Variants in SCLT1 observed in about 807,000 individuals in gnomAD.
SCLT1 encodes sodium channel-associated protein 1.
Under a neutral mutation model 112.8 loss-of-function variants are expected in SCLT1, and 78 were observed. That is an observed-to-expected ratio of 0.69 (90% confidence interval 0.58 to 0.83). The LOEUF (loss-of-function observed/expected upper bound fraction) is 0.83, where lower values mean the gene tolerates loss of function less well. Ranked by LOEUF, SCLT1 falls within the 40% of genes least tolerant of loss-of-function variation. The pLI is 0.00. For synonymous variants in SCLT1, 257 were observed against 254.7 expected (o/e 1.01, Z -0.09); for missense variants, 747 against 770.4 (o/e 0.97, Z 0.36).
intron 10 of SCLT1, among the ~76,000 whole-genome samples, chr4:128,969,496 C>T (rs898150268): frequency 4.2e-4 from 64 of 151,998 alleles, no homozygotes; most frequent in Non-Finnish European, 1.8e-4. Context: ...GGCATGAACC[C>T]GGGAGGCAGA....
intron 2 of SCLT1, among the ~76,000 whole-genome samples, chr4:129,057,594 A>G (rs1749548306): frequency 6.9e-6 from 1 of 145,266 alleles, no homozygotes. Context: ...TTACAGACTC[A>G]TTCTCATTTC....
At chr4:128,974,786 G>A (rs1740999653) in intron 9 of SCLT1, among the ~76,000 whole-genome samples, 1 of 151,862 alleles carries the variant, frequency 6.6e-6, no homozygotes, top group Admixed American at 6.6e-5. Flanking sequence ...ATATATGTCT[G>A]CCTGTGTATG....
chr4:129,080,109 T>C (rs190341930), intron 2 of SCLT1, among the ~76,000 whole-genome samples: 290 of 152,326 alleles, frequency 1.9e-3, no homozygotes, highest in Admixed American at 3.4e-3. Flanking sequence ...CTCCTATGTC[T>C]CCAGGCCTGT....
intron 4 of SCLT1, chr4:128,874,482 C>CAA (rs950380797): frequency 7.0e-6 from 1 of 143,558 alleles, no homozygotes; most frequent in Non-Finnish European, 1.5e-5. Context: ...CCAAAAAAAA[C>CAA]AAAACAAAAA....
At chr4:129,028,231 C>G (rs1420370372) in intron 5 of SCLT1, among the ~76,000 whole-genome samples, 1 of 152,106 alleles carries the variant, frequency 6.6e-6, no homozygotes, top group African/African-American at 2.4e-5. Context: ...CAATCCTAAG[C>G]CAAAAGAACA....
intron 18 of SCLT1, among the ~76,000 whole-genome samples, chr4:128,921,064 A>T (rs901037773): frequency 6.6e-6 from 1 of 152,216 alleles, no homozygotes; most frequent in Non-Finnish European, 1.5e-5. Context: ...CAAAAGCCAC[A>T]AAAAGAATAA....
chr4:128,906,765 TACATACTACTG>T (rs1175629380), intron 18 of SCLT1, among the ~76,000 whole-genome samples: 1 of 69,504 alleles, frequency 1.4e-5, no homozygotes, highest in African/African-American at 7.5e-5. Context: ...TGTTACATGC[TACATACTACTG>T]TGCTAGGTGC....
intron 1 of SCLT1, among the ~76,000 whole-genome samples, chr4:129,092,293 C>T (rs1030278653): frequency 3.3e-5 from 5 of 152,142 alleles, no homozygotes; most frequent in African/African-American, 7.2e-5. Context: ...ATCAATATTA[C>T]ACTCAAACCA....
chr4:129,090,683 G>A (rs1752755091), intron 1 of SCLT1, among the ~76,000 whole-genome samples: 1 of 152,186 alleles, frequency 6.6e-6, no homozygotes, highest in Admixed American at 6.5e-5. Flanking sequence ...CACTCTGCCA[G>A]TGAGTCTCAC....
At position 128,937,937 on chromosome 4, in the gene SCLT1, G is replaced by T. The variant is rs115044031; in HGVS notation, c.1633-1086C>A. 9.8e-3 allele frequency among the ~76,000 whole-genome samples: 1,495 copies of T among 152,116 alleles called. 26 individuals carry two copies. The highest frequency in any genetic ancestry group is 0.035 in the African/African-American group (1,439 of 41,500). The stretch of plus-strand genomic sequence containing the variant: ...CTGTGTCTACAATGTAACTACCTAA[G>T]TACCATTTTTGGGGAAATTGAGAAA... On this transcript the variant is annotated intron_variant, in intron 17 of 20. Transcript: ENST00000281142.
At chr4:129,024,856 G>A (rs1261288537) in intron 5 of SCLT1, among the ~76,000 whole-genome samples, 1 of 152,112 alleles carries the variant, frequency 6.6e-6, no homozygotes, top group Non-Finnish European at 1.5e-5. Flanking sequence ...GTGCTTAAAG[G>A]AGCTGATGGA....
chr4:129,081,837 C>T (rs545746780), intron 2 of SCLT1, among the ~76,000 whole-genome samples: 2 of 152,288 alleles, frequency 1.3e-5, no homozygotes, highest in South Asian at 4.1e-4. Context: ...CATTACCTTC[C>T]TTTTAATATT....
chr4:128,988,053 C>A (rs986627910), intron 9 of SCLT1, among the ~76,000 whole-genome samples: 1 of 151,258 alleles, frequency 6.6e-6, no homozygotes, highest in Non-Finnish European at 1.5e-5. Context: ...ACCTGTCTTA[C>A]AAGAAATGTT....
At chr4:128,986,319 TG>T in intron 9 of SCLT1, among the ~76,000 whole-genome samples, 1 of 152,138 alleles carries the variant, frequency 6.6e-6, no homozygotes, top group African/African-American at 2.4e-5. Flanking sequence ...ACCGTCCCAG[TG>T]GGAGAAAACC....
rs573726597 is a variant in SCLT1, at chr4:128,971,505, C to A, written c.687-1037G>T. ...CTTTGCAGTCATCTCACTTGACACTCGATAATAACTGTGAATTAATACTAC... is the reference window on the plus strand; with the variant it reads ...CTTTGCAGTCATCTCACTTGACACTAGATAATAACTGTGAATTAATACTAC... On this transcript the variant is annotated intron_variant, in intron 9 of 20. Transcript: ENST00000281142. 2.0e-5 allele frequency: 3 copies of A among 152,092 alleles called. No homozygotes were observed. The East Asian group carries it at 5.8e-4, about 29-fold the overall frequency. The allele number at this position is 152,092 out of a possible 1,614,324, so 9.4% of individuals were successfully genotyped here.
At chr4:129,017,682 T>C (rs1745112433) in intron 5 of SCLT1, among the ~76,000 whole-genome samples, 2 of 152,236 alleles carry the variant, frequency 1.3e-5, no homozygotes, top group African/African-American at 2.4e-5. Flanking sequence ...CAAGTCAAAA[T>C]GTAAGAGCCA....
At chr4:129,086,292 T>C (rs1316233424) in intron 1 of SCLT1, among the ~76,000 whole-genome samples, 1 of 135,756 alleles carries the variant, frequency 7.4e-6, no homozygotes, top group Non-Finnish European at 1.6e-5. Context: ...CCTGGATACC[T>C]GAAGATGCTG....
intron 2 of SCLT1, among the ~76,000 whole-genome samples, chr4:129,055,194 G>T (rs1749242362): frequency 6.6e-6 from 1 of 152,214 alleles, no homozygotes; most frequent in Non-Finnish European, 1.5e-5. Context: ...TGTATGAGGA[G>T]TCAGTCAACC....
intron 11 of SCLT1, among the ~76,000 whole-genome samples, chr4:128,964,493 T>G (rs1396930607): frequency 1.3e-5 from 2 of 152,134 alleles, no homozygotes; most frequent in African/African-American, 4.8e-5. Context: ...ACCAAAAGAA[T>G]TGATGATCAA....
Sources: allele counts gnomAD v4.1 joint callset (sites outside exome capture counted in the v4.1 genomes callset), GRCh38; gene constraint gnomAD v4.1.1; transcripts MANE v1.5; gene names NCBI Gene and HGNC (gene_info 2026-07-23, HGNC 2026-07-21).